CYP27A1: variants seen among roughly 807,000 people sequenced by gnomAD.
CYP27A1 encodes the protein sterol 26-hydroxylase, mitochondrial.
A neutral mutation model predicts 58.2 loss-of-function variants in CYP27A1; 46 were observed. That is an observed-to-expected ratio of 0.79 (90% CI 0.62 to 1.01). The LOEUF (loss-of-function observed/expected upper bound fraction) is 1.01, where lower values mean the gene tolerates loss of function less well. CYP27A1 is among the 50% of genes least tolerant of loss of function. The pLI is 0.00. For missense variants in CYP27A1, 704 were observed against 687.0 expected, an observed-to-expected ratio of 1.02 and a Z score of -0.28; for synonymous variants, 274 against 285.1, an observed-to-expected ratio of 0.96 and a Z score of 0.39.
rs752690404 is a variant in CYP27A1, at chr2:218,814,865, G to A, written c.1477-46G>A. Reference sequence around the variant, plus strand: ...GGAGTGTGCAGAGCGGGGAGTGGATGGCAAACACACAATCCACCCAACCAC... The same window carrying A: ...GGAGTGTGCAGAGCGGGGAGTGGATAGCAAACACACAATCCACCCAACCAC... On this transcript the variant is annotated intron_variant, in intron 8 of 8. Coordinates refer to ENST00000258415, the MANE Select transcript of CYP27A1 (RefSeq NM_000784.4). 16 of 1,614,076 alleles carry A rather than the reference G, an allele frequency of 9.9e-6. No individual in the cohort carries two copies. The Admixed American group carries it at 1.0e-4, about 10-fold the overall frequency.
chr2:218,811,698 G>A (rs1040860132), intron 2 of CYP27A1, among the ~76,000 whole-genome samples: 3 of 152,172 alleles, frequency 2.0e-5, no homozygotes, highest in Non-Finnish European at 2.9e-5. Flanking sequence ...GAGCACTCCG[G>A]GAACCCTAAC....
chr2:218,794,161 G>C (rs1250503365), intron 1 of CYP27A1, among the ~76,000 whole-genome samples: 11 of 152,174 alleles, frequency 7.2e-5, no homozygotes, highest in Admixed American at 6.5e-4. Flanking sequence ...CTGCAAACGG[G>C]TAAACCTCCC....
Position 218,814,145 on chromosome 2 carries a change from C to T in CYP27A1, c.1142C>T (p.Ala381Val), listed in dbSNP as rs1943756547. 1.2e-6 allele frequency: 2 copies of T among 1,614,230 alleles called. No individual in the cohort carries two copies. Among genetic ancestry groups the T allele is most frequent in the Non-Finnish European group, 1.7e-6 (2 of 1,180,042 alleles). ...CAAGTGCCCCAGCACAAGGACTTTGCCCACATGCCGTTGCTCAAAGCTGTG... is the reference window on the plus strand; with the variant it reads ...CAAGTGCCCCAGCACAAGGACTTTGTCCACATGCCGTTGCTCAAAGCTGTG... ...AGQVPQHKDFAHMPLLKAVLK... is the reference protein window; with the variant it reads ...AGQVPQHKDFVHMPLLKAVLK... The change falls in exon 6 of 9, where the codon GCC becomes GTC. Residue 381 changes from alanine to valine, a missense_variant. Transcript: ENST00000258415.
Position 218,812,909 on chromosome 2 carries a change from C to G in CYP27A1, c.845-15C>G, listed in dbSNP as rs757069147. On this transcript the variant is annotated splice_polypyrimidine_tract_variant and intron_variant, in intron 4 of 8. Transcript: ENST00000258415. ...TTTTGGCTTTGTCCTTTCCTCTTCT[C>G]TGTTGCTTTCACAGGGAAGAAGCTG... 1.9e-6 allele frequency: 3 copies of G among 1,614,184 alleles called. No individual in the cohort carries two copies. Among genetic ancestry groups the G allele is most frequent in the Non-Finnish European group, 2.5e-6 (3 of 1,180,018 alleles).
chr2:218,812,798 A>C (rs1488243980), intron 4 of CYP27A1, 49 bp downstream of exon 4: 1 of 1,608,522 alleles, frequency 6.2e-7, no homozygotes, highest in Admixed American at 1.7e-5. Context: ...GGGTGACTCC[A>C]GGTCTGTGCA....
rs768029983 is a variant in CYP27A1 at position 218,809,572 on chromosome 2, C to T, written c.256-5C>T. ...CAGTTATTCAGTTTTGATTGAACTCCACAGGTGCTTTACAAGGCCAAGTAC... is the reference window on the plus strand; with the variant it reads ...CAGTTATTCAGTTTTGATTGAACTCTACAGGTGCTTTACAAGGCCAAGTAC... On this transcript the variant is annotated splice_polypyrimidine_tract_variant and splice_region_variant and intron_variant, in intron 1 of 8. Transcript: ENST00000258415. 6.2e-7 allele frequency: 1 copy of T among 1,609,068 alleles called. No individual in the cohort carries two copies. The highest frequency in any genetic ancestry group is 8.5e-7 in the Non-Finnish European group (1 of 1,176,952).
chr2:218,804,256 G>A (rs752406248), intron 1 of CYP27A1, among the ~76,000 whole-genome samples: 1 of 152,104 alleles, frequency 6.6e-6, no homozygotes. Context: ...TCATTCTTTT[G>A]CATTTAGTTA....
At chr2:218,796,238 C>A (rs530563761) in intron 1 of CYP27A1, among the ~76,000 whole-genome samples, 3 of 152,126 alleles carry the variant, frequency 2.0e-5, no homozygotes, top group Non-Finnish European at 2.9e-5. Context: ...CCAATTGCAT[C>A]CTGTTGCAAA....
intron 2 of CYP27A1, among the ~76,000 whole-genome samples, chr2:218,811,697 G>A (rs1396690493): frequency 6.6e-6 from 1 of 152,278 alleles, no homozygotes; most frequent in Non-Finnish European, 1.5e-5. Context: ...TGAGCACTCC[G>A]GGAACCCTAA....
intron 1 of CYP27A1, among the ~76,000 whole-genome samples, chr2:218,796,363 C>A (rs566001862): frequency 2.0e-5 from 3 of 152,132 alleles, no homozygotes; most frequent in African/African-American, 7.2e-5. Flanking sequence ...GGGGCTGAGG[C>A]GGATGGATCA....
chr2:218,794,216 ACCTCTTTTTACTTGGCTGTCTCATTCC>A (rs1353832601), intron 1 of CYP27A1, among the ~76,000 whole-genome samples: 2 of 151,990 alleles, frequency 1.3e-5, no homozygotes, highest in African/African-American at 4.8e-5. Context: ...TTCTCCAGGG[ACCTCTTTTTACTTGGCTGTCTCATTCC>A]CCACTCTAAA....
intron 1 of CYP27A1, among the ~76,000 whole-genome samples, chr2:218,804,813 G>C (rs1256894601): frequency 6.6e-6 from 1 of 152,048 alleles, no homozygotes; most frequent in East Asian, 1.9e-4. Flanking sequence ...AGTCTGTTTG[G>C]GCTGCCATAA....
At position 218,814,148 on chromosome 2, in the gene CYP27A1, A is replaced by C; in HGVS notation, c.1145A>C (p.His382Pro). ...GTGCCCCAGCACAAGGACTTTGCCC[A>C]CATGCCGTTGCTCAAAGCTGTGCTT... ...GQVPQHKDFA[H>P]MPLLKAVLKE... Residue 382 changes from histidine (H) to proline (P), a missense_variant, in exon 6 of 9, where the codon CAC (histidine) becomes CCC (proline). Transcript: ENST00000258415. 6.2e-7 allele frequency: 1 copy of C among 1,614,258 alleles called. No homozygotes were observed. The highest frequency in any genetic ancestry group is 1.6e-4 in the Middle Eastern group (1 of 6,062).
intron 1 of CYP27A1, among the ~76,000 whole-genome samples, chr2:218,806,465 G>A (rs1487769527): frequency 1.3e-5 from 2 of 152,220 alleles, no homozygotes; most frequent in African/African-American, 4.8e-5. Flanking sequence ...CTAGGCACCC[G>A]GCAACGCACA....
In CYP27A1 at chr2:218,782,547, G is replaced by A. The variant is rs546155967; in HGVS notation, c.255+110G>A. The A allele has an allele frequency of 1.4e-6, 2 of 1,387,044 alleles. No individual in the cohort carries two copies. Among genetic ancestry groups the A allele is most frequent in the East Asian group, 2.3e-5 (1 of 43,608 alleles). The allele number at this position is 1,387,044 out of a possible 1,614,324, so 85.9% of individuals were successfully genotyped here. A position where few individuals can be genotyped will look rare whatever the true frequency, so the allele number is the denominator to read the frequency against. ...GTGAAGGCTGCAGGAACTCAGCTGG[G>A]GACCCACTGAGGCTATGGTCATAAA... On this transcript the variant is annotated intron_variant, in intron 1 of 8. Coordinates refer to ENST00000258415, the MANE Select transcript of CYP27A1 (RefSeq NM_000784.4). The surrounding 1 kb of genome is among the most constrained non-coding windows in gnomAD (Gnocchi z 4.1).
chr2:218,795,302 T>A (rs950703695), intron 1 of CYP27A1, among the ~76,000 whole-genome samples: 1 of 152,178 alleles, frequency 6.6e-6, no homozygotes, highest in African/African-American at 2.4e-5. Context: ...GGAATTGAGT[T>A]TGGGACAAAA....
At chr2:218,807,180 C>T (rs201967832) in intron 1 of CYP27A1, among the ~76,000 whole-genome samples, 1 of 151,874 alleles carries the variant, frequency 6.6e-6, no homozygotes, top group African/African-American at 2.4e-5. Context: ...AGGTTGGTCT[C>T]GAACTCTTGA....
In CYP27A1 at chr2:218,782,493, G is replaced by T; in HGVS notation, c.255+56G>T. 2 of 1,610,042 alleles carry T rather than the reference G, an allele frequency of 1.2e-6. No individual in the cohort carries two copies. Among genetic ancestry groups the T allele is most frequent in the South Asian group, 1.1e-5 (1 of 90,772 alleles). On this transcript the variant is annotated intron_variant, in intron 1 of 8. Transcript: ENST00000258415. The surrounding 1 kb of genome is among the most constrained non-coding windows in gnomAD (Gnocchi z 4.1). ...TGGGAGTGGGCACCGGAACAGAGAG[G>T]CTAGAGGTGAGAAGACGTTGGACAG...
Position 218,809,725 on chromosome 2 carries a change from A to G in CYP27A1, c.404A>G (p.Glu135Gly), listed in dbSNP as rs1943692342. 1.9e-6 allele frequency: 3 copies of G among 1,614,026 alleles called. No homozygotes were observed. Among genetic ancestry groups the G allele is most frequent in the Non-Finnish European group, 1.7e-6 (2 of 1,179,936 alleles). ...PVRNDMELWK[E>G]HRDQHDLTYG... Reference sequence around the variant, plus strand: ...CGGAACGACATGGAGCTATGGAAGGAGCACCGGGACCAGCACGACCTGACC... The same window carrying G: ...CGGAACGACATGGAGCTATGGAAGGGGCACCGGGACCAGCACGACCTGACC... Residue 135 changes from glutamate (E) to glycine (G), a missense_variant, in exon 2 of 9, where the codon GAG (glutamate) becomes GGG (glycine). By Grantham distance (98) the Glu-to-Gly change is moderately conservative (BLOSUM62 -2). Coordinates refer to ENST00000258415, the MANE Select transcript of CYP27A1 (RefSeq NM_000784.4).
Sources: gnomAD v4.1 joint callset for allele counts (sites outside exome capture counted in the v4.1 genomes callset) on GRCh38, gnomAD v4.1.1 for gene constraint, Gnocchi (gnomAD v3.1) non-coding constraint, MANE v1.5 for transcripts, NCBI Gene and HGNC (gene_info 2026-07-23, HGNC 2026-07-21) for gene names.